Variants in MFSD6 observed in about 807,000 individuals in gnomAD.
MFSD6 encodes major facilitator superfamily domain-containing protein 6.
A neutral mutation model predicts 56.3 loss-of-function variants in MFSD6; 26 were observed. The ratio of observed to expected loss-of-function variants is 0.46; its 90% CI spans 0.34 to 0.64. MFSD6 has a LOEUF of 0.64. Ranked by LOEUF, MFSD6 falls within the 30% of genes least tolerant of loss-of-function variation. The pLI, the probability that MFSD6 is intolerant of heterozygous loss-of-function variation, is 0.01. For missense variants in MFSD6, 750 were observed against 986.2 expected (o/e 0.76, Z 3.21); for synonymous variants, 331 against 366.9 (o/e 0.90, Z 1.12).
chr2:190,436,073 A>G lies in MFSD6; in HGVS notation c.44A>G (p.Glu15Gly). 1 of 1,613,978 alleles carries G rather than the reference A, an allele frequency of 6.2e-7. No homozygotes were observed. Among genetic ancestry groups the G allele is most frequent in the Non-Finnish European group, 8.5e-7 (1 of 1,179,902 alleles). The change falls in exon 3 of 8, where the codon GAA (glutamate) becomes GGA (glycine). Residue 15 changes from glutamate to glycine, a missense_variant. By Grantham distance (98) the Glu-to-Gly change is moderately conservative (BLOSUM62 -2). Transcript: ENST00000392328. The surrounding 1 kb of genome is among the most constrained non-coding windows in gnomAD (Gnocchi z 5.3). The stretch of plus-strand genomic sequence containing the variant: ...GCTATCTTAACGGATGATGAAGAGG[A>G]ACAGAAGAGAAAGTATGTGCTTGCA... Reference protein sequence around the residue: ...KVAILTDDEEEQKRKYVLADP... With the variant: ...KVAILTDDEEGQKRKYVLADP...
chr2:190,409,107 C>T (rs1193516626), intron 1 of MFSD6, among the ~76,000 whole-genome samples: 2 of 152,160 alleles, frequency 1.3e-5, no homozygotes, highest in Non-Finnish European at 2.9e-5. Context: ...CAGCCACCAT[C>T]CTAGCAGACA....
intron 2 of MFSD6, among the ~76,000 whole-genome samples, chr2:190,435,586 A>C (rs1356771428): frequency 6.6e-6 from 1 of 152,244 alleles, no homozygotes; most frequent in Non-Finnish European, 1.5e-5. Flanking sequence ...AAAGAATCCT[A>C]GACTTCATAA....
chr2:190,448,559 T>C (rs1686665193), intron 3 of MFSD6, among the ~76,000 whole-genome samples: 2 of 152,172 alleles, frequency 1.3e-5, no homozygotes, highest in South Asian at 4.1e-4. Flanking sequence ...AAAAAGCAGG[T>C]TTCAAAATAA....
chr2:190,461,123 T>C lies in MFSD6; in HGVS notation c.1533-8635T>C, dbSNP rs530209187. ...TTTCAAAAGAAAGGAATAATTTAAATATGAACTTAGCTAGAATGTTGTATG... is the reference window on the plus strand; with the variant it reads ...TTTCAAAAGAAAGGAATAATTTAAACATGAACTTAGCTAGAATGTTGTATG... On this transcript the variant is annotated intron_variant, in intron 3 of 7. Coordinates refer to ENST00000392328, the MANE Select transcript of MFSD6 (RefSeq NM_017694.4). This position sits in a 1 kb window ranked among gnomAD's most constrained non-coding sequence, Gnocchi z 5.5. Among the ~76,000 whole-genome samples, 4 of 152,318 alleles carry C rather than the reference T, an allele frequency of 2.6e-5. No individual in the cohort carries two copies. The South Asian group carries it at 8.3e-4, about 32-fold the overall frequency.
rs930628308 is a variant in MFSD6 at position 190,437,000 on chromosome 2, A to C, written c.971A>C (p.Tyr324Ser). The C allele has an allele frequency of 2.5e-6, 4 of 1,614,214 alleles. No individual in the cohort carries two copies. Among genetic ancestry groups the C allele is most frequent in the Non-Finnish European group, 3.4e-6 (4 of 1,180,028 alleles). The change falls in exon 3 of 8, where the codon TAT (tyrosine) becomes TCT (serine). Residue 324 changes from tyrosine (Y) to serine (S), a missense_variant. Transcript: ENST00000392328. The surrounding 1 kb of genome is among the most constrained non-coding windows in gnomAD (Gnocchi z 5.3). ...LQYLGKHRDR[Y>S]GLQRMWGSLG... ...TATCTGGGAAAACACAGAGATCGCT[A>C]TGGGTTGCAGCGCATGTGGGGCTCC...
chr2:190,450,914 G>A (rs563047886), intron 3 of MFSD6, among the ~76,000 whole-genome samples: 45 of 152,168 alleles, frequency 3.0e-4, no homozygotes, highest in Admixed American at 1.1e-3. Context: ...ACCATCTCCT[G>A]CGCATTGTGG....
chr2:190,428,039 C>T (rs1358656779), intron 2 of MFSD6, among the ~76,000 whole-genome samples: 4 of 152,150 alleles, frequency 2.6e-5, no homozygotes, highest in Admixed American at 6.5e-5. Context: ...GCCATGTCTA[C>T]CACTTTTAAT....
rs1360568747 is a variant in MFSD6, at chr2:190,454,278, G to A, written c.1533-15480G>A. On this transcript the variant is annotated intron_variant, in intron 3 of 7. Coordinates refer to ENST00000392328, the MANE Select transcript of MFSD6 (RefSeq NM_017694.4). The surrounding 1 kb of genome is among the most constrained non-coding windows in gnomAD (Gnocchi z 4.6). ...CACGGTTCATGGAGCCCCTGGGGAG[G>A]TTTCCAATTGTGTTAGAGAGTGAAG... The A allele has an allele frequency of 2.0e-5, 3 of 152,102 alleles. No homozygotes were observed. The highest frequency in any genetic ancestry group is 6.6e-5 in the Admixed American group (1 of 15,264). The allele number at this position is 152,102 out of a possible 1,614,324, so 9.4% of individuals were successfully genotyped here.
At chr2:190,430,992 G>T (rs1685969152) in intron 2 of MFSD6, among the ~76,000 whole-genome samples, 1 of 150,840 alleles carries the variant, frequency 6.6e-6, no homozygotes, top group Non-Finnish European at 1.5e-5. Context: ...CTCAGATGGG[G>T]CAGCTGGGCA....
At position 190,440,936 on chromosome 2, in the gene MFSD6, G is replaced by A. The variant is rs561938770; in HGVS notation, c.1532+3375G>A. 1.6e-3 allele frequency among the ~76,000 whole-genome samples: 239 copies of A among 152,306 alleles called. 2 individuals are homozygous for A. The highest frequency in any genetic ancestry group is 5.6e-3 in the African/African-American group (231 of 41,570). ...CAGGATGAACCAGAACAGATAGCAA[G>A]ATGCTGGGCTTCAGCACAGCCAAGG... On this transcript the variant is annotated intron_variant, in intron 3 of 7. Coordinates refer to ENST00000392328, the MANE Select transcript of MFSD6 (RefSeq NM_017694.4).
intron 1 of MFSD6, among the ~76,000 whole-genome samples, chr2:190,409,120 C>T (rs1048438384): frequency 6.6e-6 from 1 of 152,180 alleles, no homozygotes; most frequent in Admixed American, 6.5e-5. Context: ...AGCAGACATC[C>T]CCCACCTCGT....
rs373050876 is a variant in MFSD6 at position 190,462,059 on chromosome 2, C to T, written c.1533-7699C>T. Among the ~76,000 whole-genome samples, 7 of 152,032 alleles carry T rather than the reference C, an allele frequency of 4.6e-5. No individual in the cohort carries two copies. The highest frequency in any genetic ancestry group is 1.2e-4 in the African/African-American group (5 of 41,362). On this transcript the variant is annotated intron_variant, in intron 3 of 7. Coordinates refer to ENST00000392328, the MANE Select transcript of MFSD6 (RefSeq NM_017694.4). The surrounding 1 kb of genome is among the most constrained non-coding windows in gnomAD (Gnocchi z 5.7). ...AATCTACAGAAATATACTCCTTAGG[C>T]GATGAAGGGCCCTATCATCGCAGAT...
At position 190,461,894 on chromosome 2, in the gene MFSD6, C is replaced by T. The variant is rs922929215; in HGVS notation, c.1533-7864C>T. Among the ~76,000 whole-genome samples, 1 of 152,064 alleles carries T rather than the reference C, an allele frequency of 6.6e-6. No individual in the cohort carries two copies. Among genetic ancestry groups the T allele is most frequent in the Non-Finnish European group, 1.5e-5 (1 of 68,002 alleles). On this transcript the variant is annotated intron_variant, in intron 3 of 7. Transcript: ENST00000392328. The surrounding 1 kb of genome is among the most constrained non-coding windows in gnomAD (Gnocchi z 5.5). The stretch of plus-strand genomic sequence containing the variant: ...AACCTTAATATACTTTCAGAACAAT[C>T]TGAGAGCAGAAGTCTTTTAATTTAA...
rs1690883745 is a variant in MFSD6, at chr2:190,418,530, TG to T, written c.-54+3119del. 6.6e-6 allele frequency among the ~76,000 whole-genome samples: 1 copy of T among 151,846 alleles called. No individual in the cohort carries two copies. The highest frequency in any genetic ancestry group is 1.5e-5 in the Non-Finnish European group (1 of 67,988). The stretch of plus-strand genomic sequence containing the variant: ...CAGTACTTTAGGAGGCTGAGGCAAA[TG>T]GATCACTTGAGCCCAGGAGTTCAAG... On this transcript the variant is annotated intron_variant, in intron 2 of 7. Transcript: ENST00000392328. This position sits in a 1 kb window ranked among gnomAD's most constrained non-coding sequence, Gnocchi z 4.1.
chr2:190,410,431 A>G lies in MFSD6; in HGVS notation c.-176+1928A>G, dbSNP rs1690511920. On this transcript the variant is annotated intron_variant, in intron 1 of 7. Coordinates refer to ENST00000392328, the MANE Select transcript of MFSD6 (RefSeq NM_017694.4). The surrounding 1 kb of genome is among the most constrained non-coding windows in gnomAD (Gnocchi z 4.4). ...GTCCCTCCCTAATCAGAACCTATTA[A>G]GTCTCTCCACCTACGCAGATGTCTT... Among the ~76,000 whole-genome samples, 1 of 152,210 alleles carries G rather than the reference A, an allele frequency of 6.6e-6. No homozygotes were observed. The highest frequency in any genetic ancestry group is 2.4e-5 in the African/African-American group (1 of 41,454).
chr2:190,427,069 G>A (rs1189917717), intron 2 of MFSD6, among the ~76,000 whole-genome samples: 1 of 152,294 alleles, frequency 6.6e-6, no homozygotes, highest in East Asian at 1.9e-4. Flanking sequence ...AGTGAGGGGT[G>A]GACCTCCTTA....
Position 190,488,910 on chromosome 2 carries a change from A to C in MFSD6, c.1792+92A>C. The C allele has an allele frequency of 8.2e-7, 1 of 1,223,514 alleles. No homozygotes were observed. The highest frequency in any genetic ancestry group is 1.1e-6 in the Non-Finnish European group (1 of 900,020). The allele number at this position is 1,223,514 out of a possible 1,614,324, so 75.8% of individuals were successfully genotyped here. ...CAATAAACAATCCAATTATTACTGA[A>C]GATTGCCCAAAGCTAAATTCCAGTA... On this transcript the variant is annotated intron_variant, in intron 5 of 7. Transcript: ENST00000392328. The surrounding 1 kb of genome is among the most constrained non-coding windows in gnomAD (Gnocchi z 6.4).
rs1687458755 is a variant in MFSD6 at position 190,463,837 on chromosome 2, TAAAATA to T, written c.1533-5910_1533-5905del. The T allele has an allele frequency of 1.0e-6, 1 of 962,250 alleles. No homozygotes were observed. Among genetic ancestry groups the T allele is most frequent in the Non-Finnish European group, 1.2e-6 (1 of 809,208 alleles). The allele number at this position is 962,250 out of a possible 1,614,324, so 59.6% of individuals were successfully genotyped here. ...CCTGTCTCAAAAATAAATAAATAAATAAAATAAAAATAAAAAGCTGAGAATGATGGA... is the reference window on the plus strand; with the variant it reads ...CCTGTCTCAAAAATAAATAAATAAATAAAATAAAAAGCTGAGAATGATGGA... On this transcript the variant is annotated intron_variant, in intron 3 of 7. Transcript: ENST00000392328. The surrounding 1 kb of genome is among the most constrained non-coding windows in gnomAD (Gnocchi z 4.4).
Position 190,490,013 on chromosome 2 carries a change from G to A in MFSD6, c.1891+147G>A. ...GAGTGGCGTATCGATGAATTCATGT[G>A]GACTATTGTTAAAGAGATCCACCTA... On this transcript the variant is annotated intron_variant, in intron 6 of 7. Transcript: ENST00000392328. The surrounding 1 kb of genome is among the most constrained non-coding windows in gnomAD (Gnocchi z 4.5). The A allele has an allele frequency of 1.6e-6, 1 of 615,126 alleles. No individual in the cohort carries two copies. Among genetic ancestry groups the A allele is most frequent in the South Asian group, 2.3e-5 (1 of 43,768 alleles). 38.1% of individuals were successfully genotyped at this position (615,126 alleles called of 1,614,324 possible).
Sources: allele counts gnomAD v4.1 joint callset (sites outside exome capture counted in the v4.1 genomes callset), GRCh38; gene constraint gnomAD v4.1.1; non-coding constraint Gnocchi (gnomAD v3.1); transcripts MANE v1.5; gene names NCBI Gene and HGNC (gene_info 2026-07-23, HGNC 2026-07-21).